SNRPN: variants seen among roughly 807,000 people sequenced by gnomAD.
SNRPN encodes small nuclear ribonucleoprotein-associated protein N.
In SNRPN, 7 loss-of-function variants were observed where a neutral mutation model predicts 25.2. The observed-to-expected ratio is 0.28, with a 90% CI of 0.16 to 0.52. The LOEUF (loss-of-function observed/expected upper bound fraction) is 0.52. SNRPN is among the 20% of genes least tolerant of loss of function. SNRPN has a pLI of 0.96. For synonymous variants in SNRPN, 124 were observed against 110.6 expected (o/e 1.12, Z -0.76); for missense variants, 196 against 322.5 (o/e 0.61, Z 3.00).
At position 24,978,687 on chromosome 15, in the gene SNRPN, T is replaced by C. The variant is rs1309827265; in HGVS notation, c.*243T>C. 1.8e-6 allele frequency: 1 copy of C among 547,562 alleles called. No homozygotes were observed. The highest frequency in any genetic ancestry group is 2.7e-5 in the South Asian group (1 of 37,552). 33.9% of individuals were successfully genotyped at this position (547,562 alleles called of 1,614,324 possible). A position where few individuals can be genotyped will look rare whatever the true frequency, so the allele number is the denominator to read the frequency against. ...AGCAGTTGATTCAAATCATATTCTC[T>C]TTAATTCTTAGGATAAAAAGGTTTT... On this transcript the variant is annotated 3_prime_UTR_variant, in exon 10 of 10. Coordinates refer to ENST00000390687, the MANE Select transcript of SNRPN (RefSeq NM_003097.6).
At chr15:24,872,549 C>T (rs2055265074) in intron 1 of SNRPN, among the ~76,000 whole-genome samples, 1 of 113,980 alleles carries the variant, frequency 8.8e-6, no homozygotes, top group South Asian at 3.2e-4. Context: ...AGTTCGAGAC[C>T]AGCCTGACCA....
chr15:24,888,000 A>C (rs2057344522), intron 2 of SNRPN, among the ~76,000 whole-genome samples: 1 of 152,134 alleles, frequency 6.6e-6, no homozygotes, highest in Non-Finnish European at 1.5e-5. Flanking sequence ...AGTATTAATC[A>C]TTTTATTATT....
chr15:24,952,601 T>A (rs1275191734), upstream of SNRPN, among the ~76,000 whole-genome samples: 1 of 152,146 alleles, frequency 6.6e-6, no homozygotes, highest in Non-Finnish European at 1.5e-5. Context: ...AAAGCGAATT[T>A]CCTAATGGAG....
rs557327721 is a variant in SNRPN at position 24,886,924 on chromosome 15, C to T, written c.-505+335C>T. Among the ~76,000 whole-genome samples, 20 of 152,298 alleles carry T rather than the reference C, an allele frequency of 1.3e-4. No homozygotes were observed. In the Middle Eastern group the frequency reaches 0.01, roughly 78 times the overall value. On this transcript the variant is annotated intron_variant, in intron 2 of 11. Transcript: ENST00000400097. ...GTAAGACTAACTGTGGCCACATCCT[C>T]TTTACTTAGGACCCTACCCAAAGTG...
At chr15:24,950,324 G>A (rs1458068525), upstream of SNRPN, among the ~76,000 whole-genome samples, 2 of 151,574 alleles carry the variant, frequency 1.3e-5, no homozygotes, top group Non-Finnish European at 2.9e-5. Flanking sequence ...CTACAGGTGC[G>A]TGCCCTCACA....
chr15:24,877,707 C>A (rs1281546008), intron 1 of SNRPN, among the ~76,000 whole-genome samples: 2 of 151,546 alleles, frequency 1.3e-5, no homozygotes, highest in Non-Finnish European at 2.9e-5. Context: ...AACACACTAG[C>A]CGGGCGCAGT....
At chr15:24,912,597 C>T (rs2059280892) in intron 2 of SNRPN, 1 of 152,090 alleles carries the variant, frequency 6.6e-6, no homozygotes, top group African/African-American at 2.4e-5. Context: ...AATGGTGTCC[C>T]TTCTAAAATT....
chr15:24,952,764 G>A (rs1325570107), upstream of SNRPN, among the ~76,000 whole-genome samples: 3 of 152,056 alleles, frequency 2.0e-5, no homozygotes, highest in African/African-American at 4.8e-5. Flanking sequence ...AATTGTAAAA[G>A]TAATTCATAA....
chr15:24,962,895 A>T (rs558049438), intron 2 of SNRPN, among the ~76,000 whole-genome samples: 1 of 152,224 alleles, frequency 6.6e-6, no homozygotes, highest in East Asian at 1.9e-4. Flanking sequence ...TTTTTTTCTT[A>T]GCTACAATTG....
intron 1 of SNRPN, among the ~76,000 whole-genome samples, chr15:24,873,454 C>CT (rs112275081): frequency 0.094 from 10,506 of 111,942 alleles, 2,812 homozygotes; most frequent in African/African-American, 0.3. Flanking sequence ...TATTTTGTCT[C>CT]TCTTTTTTTT....
chr15:24,909,605 A>G (rs1049855938), intron 2 of SNRPN: 15 of 1,235,604 alleles, frequency 1.2e-5, no homozygotes, highest in Admixed American at 1.7e-5. Flanking sequence ...GCAGACTATC[A>G]TATCCCCCTC....
At chr15:24,926,743 G>A (rs1017900200) in intron 3 of SNRPN, among the ~76,000 whole-genome samples, 1 of 151,942 alleles carries the variant, frequency 6.6e-6, no homozygotes, top group African/African-American at 2.4e-5. Flanking sequence ...GCTGGCTCAC[G>A]GGTATAATCC....
intron 1 of SNRPN, among the ~76,000 whole-genome samples, chr15:24,866,741 G>C (rs1227169365): frequency 6.6e-6 from 1 of 152,000 alleles, no homozygotes. Flanking sequence ...ATCCCCACTT[G>C]TATGAAATCA....
At chr15:24,877,383 C>T (rs1259520916) in intron 1 of SNRPN, among the ~76,000 whole-genome samples, 1 of 152,110 alleles carries the variant, frequency 6.6e-6, no homozygotes, top group East Asian at 1.9e-4. Context: ...TGCCATCTAG[C>T]ATCAACAGAA....
chr15:24,919,445 A>AT (rs570002250), intron 2 of SNRPN, among the ~76,000 whole-genome samples: 2,670 of 151,434 alleles, frequency 0.018, 36 homozygotes, highest in Non-Finnish European at 0.028. Context: ...AAAAAAAAAA[A>AT]ATATTCAATT....
intron 2 of SNRPN, among the ~76,000 whole-genome samples, chr15:24,834,749 C>A (rs866593497): frequency 3.3e-4 from 21 of 63,062 alleles, no homozygotes; most frequent in Non-Finnish European, 5.6e-4. Context: ...CTCTCTCTCT[C>A]TCTATATATA....
Position 24,873,350 on chromosome 15 carries a change from G to A in SNRPN, c.-578-13166G>A, listed in dbSNP as rs1401342535. Among the ~76,000 whole-genome samples the A allele has an allele frequency of 8.9e-5, 10 of 112,796 alleles. 4 individuals carry two copies. Among genetic ancestry groups the A allele is most frequent in the South Asian group, 6.5e-4 (2 of 3,084 alleles). The allele number at this position is 112,796 out of a possible 152,430, so 74.0% of individuals were successfully genotyped here. On this transcript the variant is annotated intron_variant, in intron 1 of 11. Coordinates refer to the SNRPN transcript ENST00000400097. ...TGTTTCTTTTTTTTTTTTTTGAAAC[G>A]GAGTATTGCTCAGTCACCCAGGCTG...
intron 2 of SNRPN, among the ~76,000 whole-genome samples, chr15:24,898,784 G>A (rs1206000703): frequency 2.0e-5 from 3 of 152,070 alleles, no homozygotes; most frequent in African/African-American, 2.4e-5. Context: ...CCGTGGGGGC[G>A]ATGAAGTCCC....
intron 3 of SNRPN, among the ~76,000 whole-genome samples, chr15:24,938,256 A>G (rs1038924056): frequency 6.6e-6 from 1 of 151,858 alleles, no homozygotes; most frequent in Admixed American, 6.6e-5. Flanking sequence ...CCTCTCAAGT[A>G]GCTGGAATTA....
Sources: gnomAD v4.1 joint callset for allele counts (sites outside exome capture counted in the v4.1 genomes callset) on GRCh38, gnomAD v4.1.1 for gene constraint, MANE v1.5 for transcripts, NCBI Gene and HGNC (gene_info 2026-07-23, HGNC 2026-07-21) for gene names.